DPP6: variants seen among roughly 807,000 people sequenced by gnomAD.
The protein encoded by DPP6 is A-type potassium channel modulatory protein DPP6.
A neutral mutation model predicts 122.6 loss-of-function variants in DPP6; 69 were observed. The observed-to-expected ratio is 0.56, with a 90% confidence interval of 0.46 to 0.69. DPP6 has a LOEUF of 0.69. Ranked by LOEUF, DPP6 falls within the 30% of genes least tolerant of loss-of-function variation. DPP6 has a pLI of 0.00. For synonymous variants in DPP6, 418 were observed against 433.1 expected, an observed-to-expected ratio of 0.97 and a Z score of 0.43; for missense variants, 928 against 1,116.9, an observed-to-expected ratio of 0.83 and a Z score of 2.41.
intron 17 of DPP6, among the ~76,000 whole-genome samples, chr7:154,859,341 G>A (rs1803122875): frequency 1.3e-5 from 2 of 152,266 alleles, no homozygotes; most frequent in Admixed American, 6.5e-5. Context: ...AGGCCTCGGG[G>A]AGCCGGCTCC....
At chr7:153,839,639 AAC>A in the DPP6 span, among the ~76,000 whole-genome samples, 2 of 152,138 alleles carry the variant, frequency 1.3e-5, no homozygotes, top group Non-Finnish European at 2.9e-5. Context: ...GGGGTAGAAA[AAC>A]ACACGTTTTC....
intron 7 of DPP6, among the ~76,000 whole-genome samples, chr7:154,684,059 G>A (rs1839447146): frequency 6.6e-6 from 1 of 151,938 alleles, no homozygotes; most frequent in Admixed American, 6.6e-5. Context: ...TGTAGAGATG[G>A]GGGTCTCACT....
At chr7:154,648,045 G>A (rs1177931282) in intron 6 of DPP6, among the ~76,000 whole-genome samples, 1 of 151,370 alleles carries the variant, frequency 6.6e-6, no homozygotes, top group African/African-American at 2.4e-5. Flanking sequence ...GAGGTCAGGA[G>A]TTCGAGACCA....
At chr7:154,386,961 C>T (rs1339310659) in intron 1 of DPP6, among the ~76,000 whole-genome samples, 4 of 152,064 alleles carry the variant, frequency 2.6e-5, no homozygotes, top group African/African-American at 4.8e-5. Context: ...GGTGAGCAAG[C>T]GTGCAGGGTG....
intron 1 of DPP6, among the ~76,000 whole-genome samples, chr7:154,159,660 G>A (rs1178236863): frequency 6.6e-6 from 1 of 152,296 alleles, no homozygotes; most frequent in African/African-American, 2.4e-5. Flanking sequence ...GCACAAAGAT[G>A]TCAGGGAGCC....
At chr7:154,583,290 C>T (rs796661213) in intron 5 of DPP6, among the ~76,000 whole-genome samples, 11 of 152,316 alleles carry the variant, frequency 7.2e-5, no homozygotes, top group African/African-American at 2.4e-4. Flanking sequence ...CGGCTCACCT[C>T]TTGTGTAATT....
chr7:154,067,688 A>G (rs944685053), intron 1 of DPP6, among the ~76,000 whole-genome samples: 3 of 152,170 alleles, frequency 2.0e-5, no homozygotes, highest in Non-Finnish European at 2.9e-5. Context: ...CTTCCATTTC[A>G]GTATTTTCCA....
the DPP6 span, among the ~76,000 whole-genome samples, chr7:153,852,387 G>T: frequency 6.6e-6 from 1 of 152,070 alleles, no homozygotes; most frequent in Non-Finnish European, 1.5e-5. Flanking sequence ...GAAGGCAAAG[G>T]GGGAGCAGGC....
chr7:153,792,247 G>T, the DPP6 span, among the ~76,000 whole-genome samples: 1 of 152,110 alleles, frequency 6.6e-6, no homozygotes, highest in Admixed American at 6.5e-5. Flanking sequence ...ATGAATTTTA[G>T]AATCACCTCA....
intron 1 of DPP6, among the ~76,000 whole-genome samples, chr7:154,394,349 G>C (rs1190120635): frequency 6.6e-6 from 1 of 152,088 alleles, no homozygotes; most frequent in African/African-American, 2.4e-5. Context: ...TAGTGGTGTT[G>C]AGCATCATTT....
chr7:154,266,744 G>T (rs1164567763), intron 1 of DPP6, among the ~76,000 whole-genome samples: 1 of 152,154 alleles, frequency 6.6e-6, no homozygotes, highest in East Asian at 1.9e-4. Flanking sequence ...GATTCCACCA[G>T]AGGTTCTCAA....
At chr7:154,557,423 C>T (rs1165510170) in intron 4 of DPP6, among the ~76,000 whole-genome samples, 19 of 152,218 alleles carry the variant, frequency 1.2e-4, no homozygotes, top group Non-Finnish European at 2.9e-5. Flanking sequence ...GCGTATCAGC[C>T]CCACTGTTGC....
intron 1 of DPP6, among the ~76,000 whole-genome samples, chr7:153,977,178 A>G (rs1796350145): frequency 6.8e-6 from 1 of 147,664 alleles, no homozygotes; most frequent in African/African-American, 2.5e-5. Flanking sequence ...TGGCATTTGC[A>G]TTAAGTAGGT....
the DPP6 span, among the ~76,000 whole-genome samples, chr7:153,874,629 G>T: frequency 2.0e-5 from 3 of 152,296 alleles, no homozygotes; most frequent in Admixed American, 6.5e-5. Flanking sequence ...ACCCACCTAG[G>T]CCTCCCAGAG....
intron 1 of DPP6, among the ~76,000 whole-genome samples, chr7:154,013,155 C>T (rs1408941188): frequency 2.6e-5 from 4 of 152,216 alleles, no homozygotes; most frequent in Admixed American, 2.6e-4. Flanking sequence ...TCATGCTTCC[C>T]CCTTCACCTC....
Position 153,920,429 on chromosome 7 carries a change from G to A in DPP6, c.51+32695G>A, listed in dbSNP as rs1027028904. Among the ~76,000 whole-genome samples, 33 of 152,148 alleles carry A rather than the reference G, an allele frequency of 2.2e-4. 1 individual carries two copies. The highest frequency in any genetic ancestry group is 4.4e-5 in the Non-Finnish European group (3 of 68,036). ...AACTGATCTAAAAGGAAGAAAGAGA[G>A]AAAGACAAGAGGCCTCAAAGCAGCG... On this transcript the variant is annotated intron_variant, in intron 1 of 25. Transcript: ENST00000404039.
chr7:154,414,538 A>G (rs1485941794), intron 1 of DPP6, among the ~76,000 whole-genome samples: 1 of 151,950 alleles, frequency 6.6e-6, no homozygotes, highest in Admixed American at 6.6e-5. Flanking sequence ...CTCTCTCTCT[A>G]CTTTCCTTTA....
At chr7:154,602,750 CT>C (rs199615219) in intron 5 of DPP6, among the ~76,000 whole-genome samples, 40,842 of 90,852 alleles carry the variant, frequency 0.45, 14,849 homozygotes, top group Non-Finnish European at 0.63. Flanking sequence ...ATTCTTAATC[CT>C]TTTTTTTTTT....
chr7:154,072,299 A>G (rs1161022180), intron 1 of DPP6, among the ~76,000 whole-genome samples: 19 of 152,216 alleles, frequency 1.2e-4, no homozygotes, highest in Non-Finnish European at 2.6e-4. Flanking sequence ...TTGCTTATCC[A>G]TGGTGTTAGT....
Sources: allele counts gnomAD v4.1 joint callset (sites outside exome capture counted in the v4.1 genomes callset), GRCh38; gene constraint gnomAD v4.1.1; transcripts MANE v1.5; gene names NCBI Gene and HGNC (gene_info 2026-07-23, HGNC 2026-07-21).